Variants in PCDHA2 observed in about 807,000 individuals in gnomAD.
PCDHA2 encodes protocadherin alpha-2.
Under a neutral mutation model 66.0 loss-of-function variants are expected in PCDHA2, and 58 were observed. The ratio of observed to expected loss-of-function variants is 0.88; its 90% CI spans 0.71 to 1.09. The LOEUF is 1.09. Among genes scored for constraint, PCDHA2 ranks in the 50% least tolerant of loss-of-function variants. The pLI is 0.00. For synonymous variants in PCDHA2, 634 were observed against 554.0 expected, an observed-to-expected ratio of 1.14 and a Z score of -2.03; for missense variants, 1,267 against 1,242.3, an observed-to-expected ratio of 1.02 and a Z score of -0.30.
At chr5:140,896,894 T>A (rs1317627647) in intron 1 of PCDHA2, among the ~76,000 whole-genome samples, 6 of 152,208 alleles carry the variant, frequency 3.9e-5, no homozygotes, top group Admixed American at 2.0e-4. Context: ...TGAGACATTT[T>A]GATACAAGCA....
chr5:140,948,528 T>C (rs1234543318), intron 1 of PCDHA2, among the ~76,000 whole-genome samples: 1 of 151,686 alleles, frequency 6.6e-6, no homozygotes, highest in Non-Finnish European at 1.5e-5. Context: ...ACTATTTATA[T>C]TTTATTTCAT....
chr5:140,970,748 A>G (rs2096429835), intron 1 of PCDHA2, among the ~76,000 whole-genome samples: 1 of 152,130 alleles, frequency 6.6e-6, no homozygotes, highest in African/African-American at 2.4e-5. Context: ...TTTGCAATAT[A>G]TTTTCATTGA....
intron 1 of PCDHA2, chr5:140,875,431 T>C (rs1554167634): frequency 1.3e-6 from 2 of 1,558,558 alleles, no homozygotes. Context: ...AAGCGATCCC[T>C]TAAAACTGAT....
intron 1 of PCDHA2, among the ~76,000 whole-genome samples, chr5:140,904,268 A>G (rs989389819): frequency 1.3e-5 from 2 of 152,004 alleles, no homozygotes; most frequent in African/African-American, 4.8e-5. Context: ...CCACTTATGA[A>G]TGAGAACATG....
rs1554119942 is a variant in PCDHA2 at position 140,796,484 on chromosome 5, A to C, written c.1520A>C (p.Tyr507Ser). ...RRVGERALSS[Y>S]VSVHAESGKV... ...GTGGGCGAGCGCGCGTTGTCGAGCT[A>C]CGTTTCGGTGCACGCGGAGAGCGGC... The change falls in exon 1 of 4, where the codon TAC (tyrosine) becomes TCC (serine). Residue 507 changes from tyrosine (Y) to serine (S), a missense_variant. Transcript: ENST00000526136. The C allele has an allele frequency of 6.2e-7, 1 of 1,612,232 alleles. No homozygotes were observed. The highest frequency in any genetic ancestry group is 1.3e-5 in the African/African-American group (1 of 74,992).
intron 1 of PCDHA2, chr5:140,877,813 G>A (rs781966059): frequency 6.2e-7 from 1 of 1,610,266 alleles, no homozygotes; most frequent in Admixed American, 1.7e-5. Context: ...GCTGTCTCGA[G>A]AAGATTGTTT....
rs2150162477 is a variant in PCDHA2, at chr5:140,829,090, T to C, written c.2388+31738T>C. On this transcript the variant is annotated intron_variant, in intron 1 of 3. Transcript: ENST00000526136. ...AAGGCCATCCTCCCATGGCGGGTCA[T>C]TGCACCGTTTTAGTGAGAATTTTGG... is the stretch of plus-strand genomic sequence containing the variant. The C allele has an allele frequency of 2.5e-6, 4 of 1,611,416 alleles. No homozygotes were observed. In the South Asian group the frequency reaches 4.4e-5, roughly 18 times the overall value.
In PCDHA2 at chr5:140,795,877, A is replaced by G. The variant is rs1562155662; in HGVS notation, c.913A>G (p.Lys305Glu). 6.2e-7 allele frequency: 1 copy of G among 1,613,968 alleles called. No individual in the cohort carries two copies. The highest frequency in any genetic ancestry group is 1.3e-5 in the African/African-American group (1 of 75,044). Residue 305 changes from lysine (K) to glutamate (E), a missense_variant, in exon 1 of 4, where the codon AAG (lysine) becomes GAG (glutamate). Coordinates refer to ENST00000526136, the MANE Select transcript of PCDHA2 (RefSeq NM_018905.3). ...TCCCATCTCAGGGGAAATCAGAACTAAGGGAAAATTAGATTATGAAGAAGC... is the reference window on the plus strand; with the variant it reads ...TCCCATCTCAGGGGAAATCAGAACTGAGGGAAAATTAGATTATGAAGAAGC... ...IDPISGEIRT[K>E]GKLDYEEAKS...
Position 140,971,633 on chromosome 5 carries a change from T to A in PCDHA2, c.2389-7316T>A, listed in dbSNP as rs540754440. 2.0e-5 allele frequency among the ~76,000 whole-genome samples: 3 copies of A among 152,294 alleles called. No individual in the cohort carries two copies. The South Asian group carries it at 6.2e-4, about 32-fold the overall frequency. On this transcript the variant is annotated intron_variant, in intron 1 of 3. Transcript: ENST00000526136. ...GAGTCCTGGGGTACAATTAGTACCA[T>A]GTGCCTACATTAAAAGTAGATGGGA...
chr5:140,889,241 T>C (rs987868473), intron 1 of PCDHA2, among the ~76,000 whole-genome samples: 120 of 151,950 alleles, frequency 7.9e-4, no homozygotes, highest in African/African-American at 2.7e-3. Context: ...TCCAGAAAAT[T>C]TTCTGTTTCC....
At chr5:140,994,864 G>A (rs2097653681) in intron 3 of PCDHA2, among the ~76,000 whole-genome samples, 1 of 152,114 alleles carries the variant, frequency 6.6e-6, no homozygotes, top group Non-Finnish European at 1.5e-5. Context: ...TGATGGATGT[G>A]GTAGAATAAA....
rs1424640992 is a variant in PCDHA2 at position 140,843,839 on chromosome 5, T to A, written c.2388+46487T>A. On this transcript the variant is annotated intron_variant, in intron 1 of 3. Transcript: ENST00000526136. The stretch of plus-strand genomic sequence containing the variant: ...GAAAATTTAAACATTGTTTAGTTTT[T>A]AGAAACCTTTTATAATTAATTGAAT... The A allele has an allele frequency of 3.1e-5, 33 of 1,049,446 alleles. 4 individuals carry two copies. The Admixed American group carries it at 7.9e-4, about 25-fold the overall frequency. 65.0% of individuals were successfully genotyped at this position (1,049,446 alleles called of 1,614,324 possible).
At chr5:140,829,185 T>C (rs2150163611) in intron 1 of PCDHA2, 3 of 1,614,194 alleles carry the variant, frequency 1.9e-6, no homozygotes, top group East Asian at 2.2e-5. Flanking sequence ...GACGCTCAAT[T>C]TGGTACTGTC....
Position 140,796,894 on chromosome 5 carries a change from C to G in PCDHA2, c.1930C>G (p.Arg644Gly), listed in dbSNP as rs143944331. 7 of 1,613,830 alleles carry G rather than the reference C, an allele frequency of 4.3e-6. No homozygotes were observed. The East Asian group carries it at 1.3e-4, about 31-fold the overall frequency. ...TGCCCTAGACGAGGCTGACTCCCCT[C>G]GACACCGCCTACTCGTGCTGGTGAA... ...TRALDEADSP[R>G]HRLLVLVKDH... The change falls in exon 1 of 4, where the codon CGA (arginine) becomes GGA (glycine). Residue 644 changes from arginine to glycine, a missense_variant. Arg to Gly is a moderately radical substitution (Grantham distance 125). Coordinates refer to ENST00000526136, the MANE Select transcript of PCDHA2 (RefSeq NM_018905.3).
At position 140,795,807 on chromosome 5, in the gene PCDHA2, C is replaced by T. The variant is rs1554119570; in HGVS notation, c.843C>T (p.Leu281=). Residue 281 remains leucine, a synonymous_variant, in exon 1 of 4, where the codon CTC becomes CTT. Transcript: ENST00000526136. ...CGAACAGCGAGATTGTGTATTCACT[C>T]GGTAGTGATGTGTCCTCCACTATAC... ...EGPNSEIVYS[L]GSDVSSTIQT... 4 of 1,612,954 alleles carry T rather than the reference C, an allele frequency of 2.5e-6. No homozygotes were observed. Among genetic ancestry groups the T allele is most frequent in the Middle Eastern group, 1.7e-4 (1 of 6,060 alleles).
chr5:140,809,860 C>G (rs1305096062), intron 1 of PCDHA2: 4 of 291,016 alleles, frequency 1.4e-5, no homozygotes, highest in Non-Finnish European at 2.5e-5. Context: ...TTTTAGAAAA[C>G]ATTTTACTAT....
chr5:140,876,928 A>G lies in PCDHA2; in HGVS notation c.2388+79576A>G, dbSNP rs188405716. On this transcript the variant is annotated intron_variant, in intron 1 of 3. Coordinates refer to ENST00000526136, the MANE Select transcript of PCDHA2 (RefSeq NM_018905.3). ...GTCGGCATGGGACGCGGACGCGCAG[A>G]AGAACGCGCTGGTGTCCTACTCGCT... The G allele has an allele frequency of 1.9e-5, 31 of 1,613,808 alleles. No individual in the cohort carries two copies. In the African/African-American group the frequency reaches 2.4e-4, roughly 12 times the overall value.
At chr5:140,802,740 G>A (rs1554122326) in intron 1 of PCDHA2, 4 of 1,612,598 alleles carry the variant, frequency 2.5e-6, no homozygotes, top group South Asian at 1.1e-5. Flanking sequence ...CGCGGAGAGC[G>A]GCAAGGTGTA....
chr5:140,899,171 A>G (rs1302003338), intron 1 of PCDHA2, among the ~76,000 whole-genome samples: 1 of 152,058 alleles, frequency 6.6e-6, no homozygotes, highest in Non-Finnish European at 1.5e-5. Context: ...TCCTAATTGA[A>G]TACCCTTTAT....
Sources: gnomAD v4.1 joint callset for allele counts (sites outside exome capture counted in the v4.1 genomes callset) on GRCh38, gnomAD v4.1.1 for gene constraint, MANE v1.5 for transcripts, NCBI Gene and HGNC (gene_info 2026-07-23, HGNC 2026-07-21) for gene names.